Variants in RAD51B observed in about 807,000 individuals in gnomAD.
The protein encoded by RAD51B is DNA repair protein RAD51 homolog 2.
Under a neutral mutation model 42.2 loss-of-function variants are expected in RAD51B, and 38 were observed. The observed-to-expected ratio is 0.90, with a 90% confidence interval of 0.70 to 1.18. RAD51B has a LOEUF of 1.18. Ranked by LOEUF, RAD51B falls within the 50% of genes most tolerant of loss-of-function variation. The pLI is 0.00. For synonymous variants in RAD51B, 154 were observed against 145.2 expected, an observed-to-expected ratio of 1.06 and a Z score of -0.43; for missense variants, 373 against 400.7, an observed-to-expected ratio of 0.93 and a Z score of 0.59.
At chr14:67,982,727 G>A (rs770347703) in intron 7 of RAD51B, among the ~76,000 whole-genome samples, 3 of 144,626 alleles carry the variant, frequency 2.1e-5, no homozygotes, top group Non-Finnish European at 4.4e-5. Context: ...TTTTGCTTCT[G>A]CTTCTATGTT....
intron 10 of RAD51B, among the ~76,000 whole-genome samples, chr14:68,550,098 C>T (rs998542411): frequency 1.3e-5 from 2 of 152,220 alleles, no homozygotes; most frequent in Admixed American, 6.5e-5. Flanking sequence ...GGCTCTGCCC[C>T]CTTTCACTCA....
chr14:68,369,524 T>A (rs1287875397), intron 8 of RAD51B, among the ~76,000 whole-genome samples: 1 of 152,238 alleles, frequency 6.6e-6, no homozygotes, highest in Non-Finnish European at 1.5e-5. Flanking sequence ...ACTGGGGTTC[T>A]GCCTTTCTCA....
chr14:67,867,573 TCTCA>T (rs2042369575), intron 5 of RAD51B, among the ~76,000 whole-genome samples: 1 of 152,232 alleles, frequency 6.6e-6, no homozygotes, highest in South Asian at 2.1e-4. Flanking sequence ...CTTGTAGATT[TCTCA>T]CTGAGTCACC....
chr14:68,514,736 GT>G (rs1246710942), intron 10 of RAD51B, among the ~76,000 whole-genome samples: 1 of 152,232 alleles, frequency 6.6e-6, no homozygotes, highest in Non-Finnish European at 1.5e-5. Context: ...ATAAGGTGTG[GT>G]TTCAGAGTTG....
chr14:68,429,565 G>A (rs1308543021), intron 9 of RAD51B, among the ~76,000 whole-genome samples: 2 of 152,188 alleles, frequency 1.3e-5, no homozygotes, highest in Non-Finnish European at 2.9e-5. Context: ...TTTGAAAAGT[G>A]TCTGTTCATA....
intron 9 of RAD51B, among the ~76,000 whole-genome samples, chr14:68,447,232 A>G (rs1322275450): frequency 1.3e-5 from 2 of 152,160 alleles, no homozygotes; most frequent in South Asian, 2.1e-4. Context: ...AAAAATAATA[A>G]TAATAATACA....
chr14:68,134,771 G>T (rs1321438262), intron 7 of RAD51B, among the ~76,000 whole-genome samples: 3 of 146,148 alleles, frequency 2.1e-5, no homozygotes, highest in African/African-American at 5.5e-5. Context: ...TTCTAATTGG[G>T]TTATTTGATT....
At chr14:68,012,936 A>G (rs965401153) in intron 7 of RAD51B, among the ~76,000 whole-genome samples, 4 of 152,220 alleles carry the variant, frequency 2.6e-5, no homozygotes, top group Non-Finnish European at 5.9e-5. Context: ...TTAAAAGTAT[A>G]GCAGTTTTAT....
At chr14:68,425,810 G>A (rs936378457) in intron 9 of RAD51B, among the ~76,000 whole-genome samples, 7 of 152,160 alleles carry the variant, frequency 4.6e-5, no homozygotes, top group African/African-American at 1.4e-4. Flanking sequence ...AGCTTAGATT[G>A]CTATAAATGG....
At chr14:68,541,036 G>T (rs1887936245) in intron 10 of RAD51B, 3 of 985,332 alleles carry the variant, frequency 3.0e-6, no homozygotes, top group Non-Finnish European at 3.6e-6. Context: ...TCAAGTTCTT[G>T]AAAAAGATAG....
At chr14:68,130,404 G>A (rs2140673627) in intron 7 of RAD51B, among the ~76,000 whole-genome samples, 1 of 152,344 alleles carries the variant, frequency 6.6e-6, no homozygotes, top group Non-Finnish European at 1.5e-5. Flanking sequence ...CTGAGATTTA[G>A]ATCCTGGAAT....
chr14:68,196,449 C>T (rs991230383), intron 7 of RAD51B, among the ~76,000 whole-genome samples: 1 of 152,008 alleles, frequency 6.6e-6, no homozygotes, highest in Admixed American at 6.6e-5. Context: ...CTGCCTCCTC[C>T]TCACTCTTTC....
chr14:68,645,738 A>G (rs994257334), intron 10 of RAD51B, among the ~76,000 whole-genome samples: 11 of 152,162 alleles, frequency 7.2e-5, no homozygotes, highest in African/African-American at 2.7e-4. Context: ...TTTACATTAT[A>G]TTGCAAGCAC....
chr14:68,619,031 G>A (rs1036643439), intron 10 of RAD51B, among the ~76,000 whole-genome samples: 2 of 152,218 alleles, frequency 1.3e-5, no homozygotes, highest in Non-Finnish European at 2.9e-5. Flanking sequence ...CATGCTCAAG[G>A]TCAAGTTCAC....
chr14:68,607,174 C>A (rs1257384198), intron 10 of RAD51B, among the ~76,000 whole-genome samples: 1 of 152,196 alleles, frequency 6.6e-6, no homozygotes, highest in Non-Finnish European at 1.5e-5. Flanking sequence ...GTGCACCCAG[C>A]CCCTCTGAGC....
At chr14:67,831,031 A>G (rs1270475634) in intron 3 of RAD51B, among the ~76,000 whole-genome samples, 1 of 149,708 alleles carries the variant, frequency 6.7e-6, no homozygotes, top group East Asian at 1.9e-4. Flanking sequence ...ACCCACCACT[A>G]TGCCCGGTTA....
chr14:67,952,304 A>G (rs2074468408), intron 7 of RAD51B, among the ~76,000 whole-genome samples: 1 of 152,210 alleles, frequency 6.6e-6, no homozygotes, highest in Non-Finnish European at 1.5e-5. Context: ...GTCAATACAA[A>G]GTACATACCA....
At chr14:68,482,176 GGTGTGT>G (rs66768673), downstream of RAD51B, among the ~76,000 whole-genome samples, 4 of 149,802 alleles carry the variant, frequency 2.7e-5, no homozygotes, top group East Asian at 2.0e-4. Flanking sequence ...ATATTTTAGG[GGTGTGT>G]GTGTGTGTGT....
chr14:67,957,396 C>G (rs892669676), intron 7 of RAD51B, among the ~76,000 whole-genome samples: 2 of 152,186 alleles, frequency 1.3e-5, no homozygotes, highest in African/African-American at 4.8e-5. Flanking sequence ...AAAAAACACT[C>G]CTTCCTTTTT....
Sources: gnomAD v4.1 joint callset for allele counts (sites outside exome capture counted in the v4.1 genomes callset) on GRCh38, gnomAD v4.1.1 for gene constraint, MANE v1.5 for transcripts, NCBI Gene and HGNC (gene_info 2026-07-23, HGNC 2026-07-21) for gene names.